Variants in AGK observed in about 807,000 individuals in gnomAD.
The protein encoded by AGK is acylglycerol kinase, mitochondrial.
Under a neutral mutation model 66.4 loss-of-function variants are expected in AGK, and 52 were observed. The observed-to-expected ratio is 0.78, with a 90% confidence interval of 0.63 to 0.99. AGK has a LOEUF of 0.99. AGK is among the 50% of genes least tolerant of loss of function. AGK has a pLI of 0.00. For missense variants in AGK, 451 were observed against 506.6 expected (o/e 0.89, Z 1.05); for synonymous variants, 182 against 181.1 (o/e 1.00, Z -0.04).
At chr7:141,641,534 G>A (rs1248133070) in intron 12 of AGK, 136 bp downstream of exon 12, 1 of 1,048,744 alleles carries the variant, frequency 9.5e-7, no homozygotes, top group Admixed American at 2.7e-5. Context: ...TCATCCTTCT[G>A]TGTGCCACCA....
At chr7:141,651,373 G>A (rs1797552936) in intron 14 of AGK, 152 bp from the exon 15 acceptor site, 1 of 665,726 alleles carries the variant, frequency 1.5e-6, no homozygotes. Context: ...AAGAATCACT[G>A]TTGGAAAAAT....
intron 6 of AGK, among the ~76,000 whole-genome samples, chr7:141,613,352 C>T (rs1796636648): frequency 6.6e-6 from 1 of 152,156 alleles, no homozygotes; most frequent in African/African-American, 2.4e-5. Context: ...GGTGTGGTGG[C>T]TCATGCCTGT....
At chr7:141,630,311 T>C (rs1797027727) in intron 9 of AGK, among the ~76,000 whole-genome samples, 2 of 152,148 alleles carry the variant, frequency 1.3e-5, no homozygotes, top group Admixed American at 1.3e-4. Context: ...TAGTGCAAAG[T>C]TGCAGTTAGA....
chr7:141,605,292 A>G (rs189323068), intron 5 of AGK, among the ~76,000 whole-genome samples: 47 of 152,310 alleles, frequency 3.1e-4, no homozygotes, highest in African/African-American at 1.1e-3. Context: ...GTCGAGGAGT[A>G]TGAGTGAGTC....
chr7:141,614,560 A>T (rs779598787), intron 7 of AGK, among the ~76,000 whole-genome samples: 1 of 142,642 alleles, frequency 7.0e-6, no homozygotes, highest in Non-Finnish European at 1.5e-5. Context: ...AGTTTTGAAT[A>T]AAAAAAAAAG....
intron 1 of AGK, among the ~76,000 whole-genome samples, chr7:141,554,654 A>G (rs1795169499): frequency 6.6e-6 from 1 of 152,226 alleles, no homozygotes; most frequent in Non-Finnish European, 1.5e-5. Context: ...ACATTCCAGT[A>G]GGATTAGGCT....
intron 2 of AGK, among the ~76,000 whole-genome samples, chr7:141,584,673 A>C (rs1359144486): frequency 6.6e-6 from 1 of 152,208 alleles, no homozygotes; most frequent in Non-Finnish European, 1.5e-5. Flanking sequence ...AAGTTGGTGT[A>C]GTTTTTACTA....
chr7:141,600,655 G>T (rs1207057017), intron 4 of AGK, among the ~76,000 whole-genome samples: 1 of 152,176 alleles, frequency 6.6e-6, no homozygotes, highest in Non-Finnish European at 1.5e-5. Flanking sequence ...TTCCAGTCTA[G>T]TCCTGACAAC....
Position 141,555,366 on chromosome 7 carries a change from A to G in AGK, c.-14-87A>G. The G allele has an allele frequency of 1.2e-6, 1 of 866,736 alleles. No individual in the cohort carries two copies. Among genetic ancestry groups the G allele is most frequent in the South Asian group, 1.9e-5 (1 of 53,866 alleles). The allele number at this position is 866,736 out of a possible 1,614,324, so 53.7% of individuals were successfully genotyped here. ...GGAAAAAAAGGAGTGAGAGAGGATA[A>G]AAGAATGGAAGACAGAGTAATAGGG... is the stretch of plus-strand genomic sequence containing the variant. On this transcript the variant is annotated intron_variant, in intron 1 of 15. Transcript: ENST00000649286. The surrounding 1 kb of genome is among the most constrained non-coding windows in gnomAD (Gnocchi z 4.2).
At chr7:141,636,701 A>G (rs534156513) in intron 10 of AGK, among the ~76,000 whole-genome samples, 24 of 152,364 alleles carry the variant, frequency 1.6e-4, no homozygotes, top group Middle Eastern at 3.4e-3. Context: ...TAGTGACTCA[A>G]GGAGCCTGGT....
At chr7:141,567,463 C>T (rs1795497840) in intron 2 of AGK, among the ~76,000 whole-genome samples, 1 of 151,992 alleles carries the variant, frequency 6.6e-6, no homozygotes, top group Non-Finnish European at 1.5e-5. Context: ...ATTCCACCCC[C>T]TTCTTTTTCT....
rs192082201 is a variant in AGK at position 141,615,583 on chromosome 7, G to A, written c.518+18G>A. On this transcript the variant is annotated intron_variant, in intron 8 of 15. Coordinates refer to ENST00000649286, the MANE Select transcript of AGK (RefSeq NM_018238.4). ...AAAGTCCAGTAGGTTGTCAATGTGG[G>A]GAATTAGCATTTGTGGGTGAGCGAG... 613 of 1,594,378 alleles carry A rather than the reference G, an allele frequency of 3.8e-4. 4 individuals carry two copies. The African/African-American group carries it at 7.0e-3, about 18-fold the overall frequency.
Position 141,652,791 on chromosome 7 carries a change from C to G in AGK, c.1136C>G (p.Ala379Gly). ...TGAATATTCTCTTCTCCCCAGGGAG[C>G]AGGGGGCTCTTTTAGCATTGACAGT... The part of the protein sequence containing the change: ...SQCTLLIPEG[A>G]GGSFSIDSEE... The change falls in exon 16 of 16, where the codon GCA (alanine) becomes GGA (glycine). Residue 379 changes from alanine to glycine, a missense_variant. Ala to Gly is a moderately conservative substitution (Grantham distance 60). Transcript: ENST00000649286. 6.2e-7 allele frequency: 1 copy of G among 1,613,084 alleles called. No homozygotes were observed.
chr7:141,601,980 A>G (rs1796354542), intron 5 of AGK, among the ~76,000 whole-genome samples: 1 of 152,200 alleles, frequency 6.6e-6, no homozygotes, highest in African/African-American at 2.4e-5. Flanking sequence ...CTTTTCTGTC[A>G]TGATTTTCCA....
chr7:141,563,441 C>T (rs1315064925), intron 2 of AGK, among the ~76,000 whole-genome samples: 1 of 152,236 alleles, frequency 6.6e-6, no homozygotes, highest in South Asian at 2.1e-4. Context: ...TCTGGGATCT[C>T]AGTTACATTC....
rs138797919 is a variant in AGK at position 141,634,903 on chromosome 7, A to G, written c.668+923A>G. 7.2e-5 allele frequency among the ~76,000 whole-genome samples: 11 copies of G among 151,980 alleles called. No homozygotes were observed. In the East Asian group the frequency reaches 2.1e-3, roughly 29 times the overall value. ...TATTCTTGCTAATGAGATTCCTGACAGTGAAATGTCAAAAGAGAGACATTA... is the reference window on the plus strand; with the variant it reads ...TATTCTTGCTAATGAGATTCCTGACGGTGAAATGTCAAAAGAGAGACATTA... On this transcript the variant is annotated intron_variant, in intron 10 of 15. Transcript: ENST00000649286.
chr7:141,653,349 C>T lies in AGK; in HGVS notation c.*425C>T. On this transcript the variant is annotated 3_prime_UTR_variant, in exon 16 of 16. Coordinates refer to ENST00000649286, the MANE Select transcript of AGK (RefSeq NM_018238.4). ...GGTGACCTTTTCCTATGTCTAGGCT[C>T]CTCCACAGGTGCTGCTATTTTGTGA... 6.3e-6 allele frequency: 1 copy of T among 157,870 alleles called. No individual in the cohort carries two copies. Among genetic ancestry groups the T allele is most frequent in the South Asian group, 1.9e-4 (1 of 5,232 alleles). The allele number at this position is 157,870 out of a possible 1,614,324, so 9.8% of individuals were successfully genotyped here.
chr7:141,587,039 C>T (rs889350637), intron 2 of AGK, among the ~76,000 whole-genome samples: 18 of 152,188 alleles, frequency 1.2e-4, no homozygotes, highest in Admixed American at 5.9e-4. Context: ...CACCCCACCT[C>T]GGATAGACAG....
At position 141,647,423 on chromosome 7, in the gene AGK, C is replaced by T. The variant is rs139862551; in HGVS notation, c.976-1840C>T. 1.4e-3 allele frequency among the ~76,000 whole-genome samples: 211 copies of T among 152,286 alleles called. 2 individuals carry two copies. The highest frequency in any genetic ancestry group is 4.8e-3 in the African/African-American group (201 of 41,548). ...TGTCATTCGCTCTGCTCCAGCTACA[C>T]GGGCTTCCTTGCTGTTCCCTGCTGT... On this transcript the variant is annotated intron_variant, in intron 13 of 15. Coordinates refer to ENST00000649286, the MANE Select transcript of AGK (RefSeq NM_018238.4).
Sources: allele counts gnomAD v4.1 joint callset (sites outside exome capture counted in the v4.1 genomes callset), GRCh38; gene constraint gnomAD v4.1.1; non-coding constraint Gnocchi (gnomAD v3.1); transcripts MANE v1.5; gene names NCBI Gene and HGNC (gene_info 2026-07-23, HGNC 2026-07-21).